CSRNP2: variants seen among roughly 807,000 people sequenced by gnomAD.
The protein encoded by CSRNP2 is cysteine/serine-rich nuclear protein 2.
Under a neutral mutation model 36.6 loss-of-function variants are expected in CSRNP2, and 11 were observed. That is an observed-to-expected ratio of 0.30 (90% CI 0.19 to 0.50). The LOEUF is 0.50. CSRNP2 is among the 20% of genes least tolerant of loss of function. The pLI, the probability that CSRNP2 is intolerant of heterozygous loss-of-function variation, is 0.98. For synonymous variants in CSRNP2, 248 were observed against 275.3 expected (o/e 0.90, Z 0.98); for missense variants, 483 against 691.4 (o/e 0.70, Z 3.38).
intron 1 of CSRNP2, among the ~76,000 whole-genome samples, chr12:51,079,382 G>A (rs918695525): frequency 2.0e-5 from 3 of 151,536 alleles, no homozygotes; most frequent in South Asian, 4.2e-4. Flanking sequence ...GATACCGATC[G>A]ACAAACAAAT....
At position 51,074,005 on chromosome 12, in the gene CSRNP2, C is replaced by G. The variant is rs776237948; in HGVS notation, c.229G>C (p.Ala77Pro). The G allele has an allele frequency of 6.2e-7, 1 of 1,614,096 alleles. No homozygotes were observed. The highest frequency in any genetic ancestry group is 1.1e-5 in the South Asian group (1 of 91,080). The stretch of plus-strand genomic sequence containing the variant: ...ACACTGGTAAAACCTTGGCGCCGGG[C>G]AAAGTAGTATACAGTCACCTGGTCA... ...RFDQVTVYYF[A>P]RRQGFTSVPS... is the part of the protein sequence containing the mutation. The change falls in exon 3 of 5, where the codon GCC (alanine) becomes CCC (proline). Residue 77 changes from alanine (A) to proline (P), a missense_variant. This residue lies in a region of CSRNP2 where 206 missense variants were observed against 367.8 expected (regional missense o/e 0.56). Transcript: ENST00000228515.
rs145147718 is a variant in CSRNP2, at chr12:51,082,963, C to T, written c.-87+376G>A. ...TGCTACTCACAAATTCCCAACCACT[C>T]CTCCCACATTTTCCTCTGTTCCCCC... On this transcript the variant is annotated intron_variant, in intron 1 of 4. Coordinates refer to ENST00000228515, the MANE Select transcript of CSRNP2 (RefSeq NM_030809.3). The T allele has an allele frequency of 1.7e-3, 264 of 152,984 alleles. 1 individual carries two copies. In the Middle Eastern group the frequency reaches 0.02, roughly 12 times the overall value. The allele number at this position is 152,984 out of a possible 1,614,324, so 9.5% of individuals were successfully genotyped here.
chr12:51,068,540 C>G (rs1189933104), intron 3 of CSRNP2, among the ~76,000 whole-genome samples: 1 of 152,182 alleles, frequency 6.6e-6, no homozygotes, highest in Non-Finnish European at 1.5e-5. Flanking sequence ...GATGGGAAAT[C>G]TTACGTACCA....
chr12:51,064,133 C>A lies in CSRNP2; in HGVS notation c.1245G>T (p.Gly415=). ...GCTCCACTTGATAATAGACCAGGGG[C>A]CCACTGTTCAAGTAGGATGGGCTGT... ...TVNSPSYLNS[G]PLVYYQVEQR... Residue 415 remains glycine, a synonymous_variant, in exon 5 of 5, where the codon GGG becomes GGT. Coordinates refer to ENST00000228515, the MANE Select transcript of CSRNP2 (RefSeq NM_030809.3). 6.2e-7 allele frequency: 1 copy of A among 1,614,156 alleles called. No homozygotes were observed. Among genetic ancestry groups the A allele is most frequent in the South Asian group, 1.1e-5 (1 of 91,074 alleles).
chr12:51,068,115 T>C (rs1456177864), intron 3 of CSRNP2, 146 bp from the exon 4 acceptor site: 3 of 679,404 alleles, frequency 4.4e-6, no homozygotes, highest in Non-Finnish European at 7.5e-6. Flanking sequence ...TACTAGCACA[T>C]GTGGCTACTG....
chr12:51,081,029 T>C (rs1205420886), intron 1 of CSRNP2, among the ~76,000 whole-genome samples: 1 of 152,210 alleles, frequency 6.6e-6, no homozygotes, highest in Admixed American at 6.5e-5. Context: ...GGCACATGCC[T>C]GTAATCCTAG....
At position 51,067,673 on chromosome 12, in the gene CSRNP2, C is replaced by T; in HGVS notation, c.708G>A (p.Gln236=). The T allele has an allele frequency of 6.2e-7, 1 of 1,612,932 alleles. No homozygotes were observed. The highest frequency in any genetic ancestry group is 8.5e-7 in the Non-Finnish European group (1 of 1,179,214). ...CACSQAGIKC[Q]VDRMSFPCGC... ...CTATCTCAGGCCAACTTGGACTGAC[C>T]TGGCATTTAATCCCAGCCTGGCTGC... is the stretch of plus-strand genomic sequence containing the variant. The change falls in exon 4 of 5, where the codon CAG becomes CAA. Residue 236 remains glutamine, a splice_region_variant and synonymous_variant. Transcript: ENST00000228515. This position sits in a 1 kb window ranked among gnomAD's most constrained non-coding sequence, Gnocchi z 4.1.
intron 2 of CSRNP2, among the ~76,000 whole-genome samples, chr12:51,075,730 C>G (rs1939369630): frequency 6.6e-6 from 1 of 152,184 alleles, no homozygotes; most frequent in Non-Finnish European, 1.5e-5. Flanking sequence ...TCAGTTCTTT[C>G]CAAGAACTAA....
intron 1 of CSRNP2, among the ~76,000 whole-genome samples, chr12:51,081,858 A>C (rs1112392): frequency 0.65 from 98,544 of 151,536 alleles, 33,090 homozygotes; most frequent in Non-Finnish European, 0.75. Context: ...ACAAAAAAAA[A>C]CAGCATATGT....
intron 1 of CSRNP2, among the ~76,000 whole-genome samples, chr12:51,079,132 C>T (rs1008281074): frequency 4.0e-4 from 61 of 152,002 alleles, no homozygotes; most frequent in Non-Finnish European, 4.4e-4. Context: ...GACAGAAAAC[C>T]AAACACCGCA....
At position 51,063,783 on chromosome 12, in the gene CSRNP2, G is replaced by A; in HGVS notation, c.1595C>T (p.Pro532Leu). The stretch of plus-strand genomic sequence containing the variant: ...AGGGAGTTCTAAGGAAGAATCTTCA[G>A]GGGGCCGATCCTCATTCTGCTGGGA... ...KTSQQNEDRP[P>L]EDSSLELPLA... The change falls in exon 5 of 5, where the codon CCT (proline) becomes CTT (leucine). Residue 532 changes from proline to leucine, a missense_variant. This residue lies in a region of CSRNP2 where 277 missense variants were observed against 323.6 expected (regional missense o/e 0.86). Coordinates refer to ENST00000228515, the MANE Select transcript of CSRNP2 (RefSeq NM_030809.3). 1 of 1,586,564 alleles carries A rather than the reference G, an allele frequency of 6.3e-7. No homozygotes were observed. The highest frequency in any genetic ancestry group is 1.1e-5 in the South Asian group (1 of 88,028).
intron 1 of CSRNP2, among the ~76,000 whole-genome samples, chr12:51,082,199 T>C (rs1056409189): frequency 6.6e-6 from 1 of 152,210 alleles, no homozygotes; most frequent in African/African-American, 2.4e-5. Flanking sequence ...CATGGATCCA[T>C]GTGTCTTTGT....
intron 2 of CSRNP2, among the ~76,000 whole-genome samples, chr12:51,075,149 GTCAC>G: frequency 6.6e-6 from 1 of 151,972 alleles, no homozygotes; most frequent in East Asian, 1.9e-4. Flanking sequence ...CTCTTGCTCT[GTCAC>G]CCAGGCTAGA....
intron 1 of CSRNP2, chr12:51,081,489 T>C (rs1939639299): frequency 6.6e-6 from 1 of 152,182 alleles, no homozygotes; most frequent in Non-Finnish European, 1.5e-5. Flanking sequence ...ACTTGTAAGT[T>C]TTAGCACCTA....
In CSRNP2 at chr12:51,062,507, T is replaced by C. The variant is rs1937678593; in HGVS notation, c.*1239A>G. ...AAGAACTGAATCAAACTGAATGAGT[T>C]CCATTCTATACGCTTCAAAGGTTAT... On this transcript the variant is annotated 3_prime_UTR_variant, in exon 5 of 5. Transcript: ENST00000228515. The C allele has an allele frequency of 6.6e-6, 1 of 152,206 alleles. No homozygotes were observed. The highest frequency in any genetic ancestry group is 2.1e-4 in the South Asian group (1 of 4,834). The allele number at this position is 152,206 out of a possible 1,614,324, so 9.4% of individuals were successfully genotyped here.
chr12:51,068,126 A>G (rs551097723), intron 3 of CSRNP2, among the ~76,000 whole-genome samples, 157 bp from the exon 4 acceptor site: 1 of 152,290 alleles, frequency 6.6e-6, no homozygotes, highest in African/African-American at 2.4e-5. Flanking sequence ...GTGGCTACTG[A>G]GCACTAGAAA....
At chr12:51,072,409 A>T (rs1939201762) in intron 3 of CSRNP2, among the ~76,000 whole-genome samples, 1 of 151,742 alleles carries the variant, frequency 6.6e-6, no homozygotes, top group East Asian at 1.9e-4. Flanking sequence ...AATACAAAAA[A>T]AAAAATAGCC....
At chr12:51,076,739 C>A in intron 1 of CSRNP2, 92 bp from the exon 2 acceptor site, 1 of 620,426 alleles carries the variant, frequency 1.6e-6, no homozygotes, top group Non-Finnish European at 2.8e-6. Flanking sequence ...AGCACCTCAC[C>A]TAGCACTGAT....
chr12:51,074,211 G>T, intron 2 of CSRNP2, 129 bp from the exon 3 acceptor site: 3 of 1,051,564 alleles, frequency 2.9e-6, no homozygotes, highest in Non-Finnish European at 4.0e-6. Flanking sequence ...TCCACCTCCC[G>T]GGTTCAAGCA....
Sources: allele counts gnomAD v4.1 joint callset (sites outside exome capture counted in the v4.1 genomes callset), GRCh38; gene constraint gnomAD v4.1.1; regional missense constraint gnomAD v4.1.1; non-coding constraint Gnocchi (gnomAD v3.1); transcripts MANE v1.5; gene names NCBI Gene and HGNC (gene_info 2026-07-23, HGNC 2026-07-21).